Variants in RNF180 observed in about 807,000 individuals in gnomAD.
RNF180 encodes ring finger protein 180, also known as E3 ubiquitin-protein ligase RNF180.
In RNF180, 38 loss-of-function variants were observed where a neutral mutation model predicts 59.2. The ratio of observed to expected loss-of-function variants is 0.64; its 90% CI spans 0.50 to 0.84. RNF180 has a LOEUF of 0.84. Ranked by LOEUF, RNF180 falls within the 40% of genes least tolerant of loss-of-function variation. The probability of loss-of-function intolerance (pLI) is 0.00; values close to 1 mark genes in which losing one functional copy is unlikely to be tolerated. For synonymous variants in RNF180, 262 were observed against 240.3 expected, an observed-to-expected ratio of 1.09 and a Z score of -0.84; for missense variants, 705 against 700.9, an observed-to-expected ratio of 1.01 and a Z score of -0.07.
chr5:64,291,887 G>C (rs922835915), intron 5 of RNF180, among the ~76,000 whole-genome samples: 1 of 151,996 alleles, frequency 6.6e-6, no homozygotes, highest in African/African-American at 2.4e-5. Flanking sequence ...ATTTCAGAAA[G>C]ACAGTCTTCA....
At chr5:64,251,222 G>A in intron 5 of RNF180, among the ~76,000 whole-genome samples, 1 of 152,112 alleles carries the variant, frequency 6.6e-6, no homozygotes, top group Non-Finnish European at 1.5e-5. Context: ...TATTTGACGA[G>A]CCCACAACTA....
At chr5:64,360,949 A>G (rs1436494229) in intron 7 of RNF180, among the ~76,000 whole-genome samples, 2 of 151,712 alleles carry the variant, frequency 1.3e-5, no homozygotes, top group Non-Finnish European at 3.0e-5. Flanking sequence ...TAAATATGCT[A>G]TATTCTAATA....
chr5:64,309,060 CA>C (rs911771453), intron 5 of RNF180, among the ~76,000 whole-genome samples: 6 of 151,626 alleles, frequency 4.0e-5, no homozygotes, highest in African/African-American at 1.5e-4. Context: ...TCCACGTAAT[CA>C]AAAAGTCTAT....
At chr5:64,184,396 A>T (rs1289857943) in intron 1 of RNF180, among the ~76,000 whole-genome samples, 10 of 152,130 alleles carry the variant, frequency 6.6e-5, no homozygotes, top group Admixed American at 6.5e-4. Flanking sequence ...ATTGTTTAAC[A>T]TCTATTGATG....
chr5:64,310,822 C>G (rs1743728997), intron 5 of RNF180, among the ~76,000 whole-genome samples: 1 of 151,342 alleles, frequency 6.6e-6, no homozygotes, highest in East Asian at 2.0e-4. Flanking sequence ...TGTATATGGG[C>G]TAACCCTGGA....
chr5:64,332,908 C>T (rs574234265), intron 7 of RNF180, among the ~76,000 whole-genome samples: 13 of 152,088 alleles, frequency 8.5e-5, no homozygotes, highest in East Asian at 3.9e-4. Context: ...TGGTCTTCTG[C>T]GTAAGACCAA....
At chr5:64,202,793 A>C (rs1239817564) in intron 2 of RNF180, among the ~76,000 whole-genome samples, 1 of 152,200 alleles carries the variant, frequency 6.6e-6, no homozygotes, top group Non-Finnish European at 1.5e-5. Flanking sequence ...AATATTATTC[A>C]TTCCTTACAG....
In RNF180 at chr5:64,353,754, T is replaced by C. The variant is rs76553407; in HGVS notation, c.1580-15861T>C. On this transcript the variant is annotated intron_variant, in intron 7 of 7. Coordinates refer to ENST00000389100, the MANE Select transcript of RNF180 (RefSeq NM_001113561.2). ...GTAAGTCTTGATACATTTTAAAAGATTGAAGCAATACAAAGTATCTTCGCT... is the reference window on the plus strand; with the variant it reads ...GTAAGTCTTGATACATTTTAAAAGACTGAAGCAATACAAAGTATCTTCGCT... 8.1e-3 allele frequency among the ~76,000 whole-genome samples: 1,223 copies of C among 151,892 alleles called. 56 individuals carry two copies. In the East Asian group the frequency reaches 0.098, roughly 12 times the overall value.
At chr5:64,209,024 C>A (rs1426236140) in intron 2 of RNF180, among the ~76,000 whole-genome samples, 1 of 151,752 alleles carries the variant, frequency 6.6e-6, no homozygotes, top group African/African-American at 2.4e-5. Context: ...CAGTATCATA[C>A]CTTAAAGCAT....
In RNF180 at chr5:64,268,841, A is replaced by T. The variant is rs1188046147; in HGVS notation, c.1227+51445A>T. Among the ~76,000 whole-genome samples, 7 of 152,314 alleles carry T rather than the reference A, an allele frequency of 4.6e-5. No individual in the cohort carries two copies. The East Asian group carries it at 1.4e-3, about 29-fold the overall frequency. On this transcript the variant is annotated intron_variant, in intron 5 of 7. Transcript: ENST00000389100. ...CTCTAAACTTCTGTTAGTTTTATGC[A>T]GAGCTGCCAGCTCTTCCTTGAACAT...
At chr5:64,272,940 G>C (rs1386030975) in intron 5 of RNF180, among the ~76,000 whole-genome samples, 1 of 151,894 alleles carries the variant, frequency 6.6e-6, no homozygotes, top group Admixed American at 6.6e-5. Context: ...ACACTTAAAT[G>C]TCTAGTTTTG....
chr5:64,226,385 CAT>C (rs1270667823), intron 5 of RNF180, among the ~76,000 whole-genome samples: 25 of 152,200 alleles, frequency 1.6e-4, no homozygotes, highest in Non-Finnish European at 3.2e-4. Flanking sequence ...CTCTCTGAAA[CAT>C]GTGCTGTGTC....
At chr5:64,251,168 C>G (rs983051180) in intron 5 of RNF180, among the ~76,000 whole-genome samples, 1 of 152,124 alleles carries the variant, frequency 6.6e-6, no homozygotes, top group Non-Finnish European at 1.5e-5. Context: ...AATAGCTCAA[C>G]AAATTAGGTA....
intron 5 of RNF180, among the ~76,000 whole-genome samples, chr5:64,262,774 A>G (rs1744418890): frequency 6.6e-6 from 1 of 152,114 alleles, no homozygotes; most frequent in Non-Finnish European, 1.5e-5. Context: ...TGAGCATTAA[A>G]GTCCTCAAAA....
At chr5:64,171,970 C>T (rs1749960304) in intron 1 of RNF180, among the ~76,000 whole-genome samples, 2 of 152,168 alleles carry the variant, frequency 1.3e-5, no homozygotes, top group Admixed American at 1.3e-4. Context: ...ACATCTTTGG[C>T]ACAAAAATCA....
chr5:64,273,072 AAG>A (rs1289743618), intron 5 of RNF180, among the ~76,000 whole-genome samples: 2 of 151,952 alleles, frequency 1.3e-5, no homozygotes, highest in African/African-American at 4.8e-5. Context: ...CACCAAAACC[AAG>A]ATGGTAATGA....
intron 7 of RNF180, among the ~76,000 whole-genome samples, chr5:64,347,639 A>G (rs1408236326): frequency 6.6e-6 from 1 of 152,176 alleles, no homozygotes; most frequent in Non-Finnish European, 1.5e-5. Flanking sequence ...AATGAGATAT[A>G]TACTCATAAA....
At chr5:64,236,516 A>G (rs1742449414) in intron 5 of RNF180, among the ~76,000 whole-genome samples, 1 of 152,236 alleles carries the variant, frequency 6.6e-6, no homozygotes, top group African/African-American at 2.4e-5. Flanking sequence ...CTGCCTGACC[A>G]TGTGGTAGAA....
At chr5:64,310,516 C>CAA (rs772300822) in intron 5 of RNF180, among the ~76,000 whole-genome samples, 5 of 93,312 alleles carry the variant, frequency 5.4e-5, no homozygotes, top group Non-Finnish European at 1.2e-4. Context: ...AATACTTTTG[C>CAA]AAAAAAAAAA....
Sources: gnomAD v4.1 joint callset for allele counts (sites outside exome capture counted in the v4.1 genomes callset) on GRCh38, gnomAD v4.1.1 for gene constraint, MANE v1.5 for transcripts, NCBI Gene and HGNC (gene_info 2026-07-23, HGNC 2026-07-21) for gene names.